SMIM36: variants seen among roughly 807,000 people sequenced by gnomAD.
SMIM36 encodes small integral membrane protein 36.
At chr17:55,476,325 C>G (rs1026859010) in intron 3 of SMIM36, among the ~76,000 whole-genome samples, 15 of 152,084 alleles carry the variant, frequency 9.9e-5, no homozygotes, top group African/African-American at 2.9e-4. Context: ...GTGACCCCTA[C>G]CCCTGCCCAC....
intron 1 of SMIM36, among the ~76,000 whole-genome samples, chr17:55,491,204 T>C (rs1008828553): frequency 1.4e-5 from 2 of 138,062 alleles, no homozygotes; most frequent in African/African-American, 5.7e-5. Context: ...ATTGCACCAT[T>C]GCACTTTCGC....
intron 3 of SMIM36, among the ~76,000 whole-genome samples, chr17:55,473,668 A>T (rs2143263411): frequency 6.6e-6 from 1 of 152,266 alleles, no homozygotes; most frequent in South Asian, 2.1e-4. Flanking sequence ...AAAGGATTGG[A>T]CAGTACTTTT....
intron 1 of SMIM36, among the ~76,000 whole-genome samples, chr17:55,488,289 C>T (rs1428664272): frequency 3.1e-4 from 47 of 152,296 alleles, no homozygotes. Context: ...AGAGGCATCC[C>T]GACTGCAGTC....
At chr17:55,450,886 A>C (rs1194804437) in intron 4 of SMIM36, among the ~76,000 whole-genome samples, 1 of 152,016 alleles carries the variant, frequency 6.6e-6, no homozygotes, top group African/African-American at 2.4e-5. Flanking sequence ...AAAGATCCAT[A>C]GTGGCTTCTT....
the SMIM36 span, among the ~76,000 whole-genome samples, chr17:55,522,984 G>A: frequency 6.6e-6 from 1 of 152,110 alleles, no homozygotes. Flanking sequence ...GGAAATAATG[G>A]TGATAAAAAA....
At chr17:55,477,558 T>C (rs1264420724) in intron 3 of SMIM36, among the ~76,000 whole-genome samples, 2 of 152,200 alleles carry the variant, frequency 1.3e-5, no homozygotes, top group African/African-American at 4.8e-5. Context: ...ATCCTATTTC[T>C]GGATGAGGCC....
intron 1 of SMIM36, among the ~76,000 whole-genome samples, chr17:55,509,724 A>G (rs1046896077): frequency 6.6e-6 from 1 of 152,238 alleles, no homozygotes; most frequent in Admixed American, 6.5e-5. Flanking sequence ...AAGTAAATAC[A>G]TACGTTTCTC....
intron 4 of SMIM36, among the ~76,000 whole-genome samples, chr17:55,453,564 A>C (rs1167170070): frequency 6.6e-6 from 1 of 152,194 alleles, no homozygotes; most frequent in African/African-American, 2.4e-5. Flanking sequence ...TTTTTATTCA[A>C]GTATAACATA....
chr17:55,508,650 C>T (rs1318550237), intron 1 of SMIM36, among the ~76,000 whole-genome samples: 2 of 151,466 alleles, frequency 1.3e-5, no homozygotes, highest in South Asian at 2.1e-4. Flanking sequence ...TGGCTGAGCG[C>T]GGTGGCTCAC....
At chr17:55,452,789 C>T (rs1049186849) in intron 4 of SMIM36, among the ~76,000 whole-genome samples, 2 of 152,206 alleles carry the variant, frequency 1.3e-5, no homozygotes, top group African/African-American at 4.8e-5. Context: ...CTCTCCTCCT[C>T]TGTAAATTGT....
intron 4 of SMIM36, among the ~76,000 whole-genome samples, chr17:55,461,191 G>A (rs745741706): frequency 1.3e-5 from 2 of 152,098 alleles, no homozygotes; most frequent in Non-Finnish European, 2.9e-5. Flanking sequence ...TTTTGAGTGC[G>A]TTCAATTTTC....
intron 4 of SMIM36, among the ~76,000 whole-genome samples, chr17:55,462,389 T>A (rs1909161472): frequency 6.6e-6 from 1 of 152,088 alleles, no homozygotes; most frequent in Non-Finnish European, 1.5e-5. Context: ...GGCAGGAGGA[T>A]CATTTGAGGC....
intron 3 of SMIM36, among the ~76,000 whole-genome samples, chr17:55,474,362 G>A (rs890388409): frequency 2.2e-4 from 34 of 152,168 alleles, no homozygotes; most frequent in African/African-American, 8.2e-4. Context: ...TGCGGATCCT[G>A]AGAGTGCTCC....
intron 1 of SMIM36, among the ~76,000 whole-genome samples, chr17:55,501,159 A>ATAATATATCTTATATTTTATAATATG (rs1239416906): frequency 1.1e-5 from 1 of 91,284 alleles, no homozygotes; most frequent in Non-Finnish European, 2.1e-5. Context: ...TTTATAATAT[A>ATAATATATCTTATATTTTATAATATG]TAATATATCT....
intron 4 of SMIM36, among the ~76,000 whole-genome samples, chr17:55,456,499 T>C (rs557122694): frequency 6.6e-6 from 1 of 152,358 alleles, no homozygotes; most frequent in African/African-American, 2.4e-5. Context: ...ATATGACTTA[T>C]TGCACAACCA....
chr17:55,531,483 C>T, the SMIM36 span, among the ~76,000 whole-genome samples: 2 of 152,178 alleles, frequency 1.3e-5, no homozygotes, highest in African/African-American at 4.8e-5. Flanking sequence ...GTTATTCCTA[C>T]TGTGGCCCTA....
intron 4 of SMIM36, among the ~76,000 whole-genome samples, chr17:55,453,010 T>C (rs1908948755): frequency 6.6e-6 from 1 of 152,178 alleles, no homozygotes; most frequent in Non-Finnish European, 1.5e-5. Flanking sequence ...GGCAGTTCCT[T>C]AGAATGTGAG....
At chr17:55,529,475 A>T in the SMIM36 span, among the ~76,000 whole-genome samples, 1 of 152,078 alleles carries the variant, frequency 6.6e-6, no homozygotes, top group Non-Finnish European at 1.5e-5. Flanking sequence ...ATACAAAAGT[A>T]TCCAGATGTG....
intron 4 of SMIM36, among the ~76,000 whole-genome samples, chr17:55,465,550 T>C (rs1399486745): frequency 6.6e-6 from 1 of 152,202 alleles, no homozygotes; most frequent in African/African-American, 2.4e-5. Context: ...GTTGGGTAGA[T>C]GCATATGACA....
Sources: allele counts gnomAD v4.1 joint callset (sites outside exome capture counted in the v4.1 genomes callset), GRCh38; gene constraint gnomAD v4.1.1; transcripts MANE v1.5; gene names NCBI Gene and HGNC (gene_info 2026-07-23, HGNC 2026-07-21).